Variants in COL22A1 observed in about 807,000 individuals in gnomAD.
The protein encoded by COL22A1 is collagen type XXII alpha 1 chain, also known as collagen alpha-1(XXII) chain.
Under a neutral mutation model 248.9 loss-of-function variants are expected in COL22A1, and 221 were observed. The observed-to-expected ratio is 0.89, with a 90% confidence interval of 0.80 to 0.99. The LOEUF is 0.99. COL22A1 is among the 50% of genes least tolerant of loss of function. The pLI is 0.00. For missense variants in COL22A1, 2,240 were observed against 2,179.0 expected, an observed-to-expected ratio of 1.03 and a Z score of -0.56; for synonymous variants, 891 against 793.4, an observed-to-expected ratio of 1.12 and a Z score of -2.07.
rs188055575 is a variant in COL22A1, at chr8:138,611,567, G to A, written c.3978+2300C>T. Among the ~76,000 whole-genome samples the A allele has an allele frequency of 6.6e-5, 10 of 152,290 alleles. 1 individual carries two copies. Among genetic ancestry groups the A allele is most frequent in the African/African-American group, 2.4e-4 (10 of 41,546 alleles). On this transcript the variant is annotated intron_variant, in intron 56 of 64. Transcript: ENST00000303045. ...TTACACATTTTTTCCTAATCTCTCC[G>A]TATGAAGTTTTAATATCACAGCTAA...
intron 1 of COL22A1, among the ~76,000 whole-genome samples, chr8:138,885,724 C>T (rs528448807): frequency 4.6e-5 from 7 of 152,176 alleles, no homozygotes; most frequent in Non-Finnish European, 7.4e-5. Context: ...CCACCACACC[C>T]GGCTAGTTTT....
chr8:138,875,068 G>A (rs368987359), intron 3 of COL22A1, among the ~76,000 whole-genome samples: 4 of 152,218 alleles, frequency 2.6e-5, no homozygotes, highest in African/African-American at 9.6e-5. Flanking sequence ...TGACACATAA[G>A]GCAAGCCAAG....
chr8:138,664,200 C>CGCGCGT (rs1554738472), intron 41 of COL22A1, among the ~76,000 whole-genome samples: 1 of 86,024 alleles, frequency 1.2e-5, no homozygotes, highest in South Asian at 4.7e-4. Context: ...GGGGTGCGCG[C>CGCGCGT]GCGCGCGCGC....
chr8:138,669,795 T>C (rs964407290), intron 41 of COL22A1, among the ~76,000 whole-genome samples: 3 of 152,146 alleles, frequency 2.0e-5, no homozygotes, highest in African/African-American at 7.2e-5. Context: ...AATGGTTTCA[T>C]TTAGAAAGGA....
At chr8:138,803,344 G>A (rs924833448) in intron 10 of COL22A1, among the ~76,000 whole-genome samples, 2 of 152,030 alleles carry the variant, frequency 1.3e-5, no homozygotes, top group African/African-American at 4.8e-5. Flanking sequence ...TCATCACGCA[G>A]GCACATAAGA....
At chr8:138,606,304 T>C in intron 58 of COL22A1, 77 bp downstream of exon 58, 1 of 1,271,066 alleles carries the variant, frequency 7.9e-7, no homozygotes, top group Non-Finnish European at 1.1e-6. Flanking sequence ...ACACAGGAGG[T>C]GGCAGGGAAG....
At chr8:138,755,925 C>T in intron 18 of COL22A1, 96 bp from the exon 19 acceptor site, 3 of 976,914 alleles carry the variant, frequency 3.1e-6, no homozygotes, top group Non-Finnish European at 3.3e-6. Context: ...GCCCAGGGGA[C>T]CACACCCCTC....
intron 30 of COL22A1, among the ~76,000 whole-genome samples, chr8:138,711,034 TG>T (rs911100288): frequency 7.9e-5 from 12 of 152,166 alleles, no homozygotes; most frequent in Admixed American, 7.2e-4. Context: ...CTCCTCATCC[TG>T]AGGGCTGTGG....
intron 14 of COL22A1, among the ~76,000 whole-genome samples, chr8:138,778,952 A>C (rs1814717905): frequency 1.3e-5 from 2 of 152,232 alleles, no homozygotes. Flanking sequence ...TTATCTATTA[A>C]AGTCTGCTAA....
In COL22A1 at chr8:138,661,788, A is replaced by T. The variant is rs188747014; in HGVS notation, c.3240+242T>A. On this transcript the variant is annotated intron_variant, in intron 43 of 64. Transcript: ENST00000303045. ...GGGAACATTGTGTGGGATACCCAGG[A>T]GTTGAACAGATCTTGAAAACTTAAC... Among the ~76,000 whole-genome samples the T allele has an allele frequency of 7.7e-4, 118 of 152,360 alleles. 1 individual carries two copies. The highest frequency in any genetic ancestry group is 1.5e-3 in the Non-Finnish European group (102 of 68,036).
At chr8:138,675,438 C>T (rs1825431880) in intron 41 of COL22A1, among the ~76,000 whole-genome samples, 1 of 152,182 alleles carries the variant, frequency 6.6e-6, no homozygotes, top group African/African-American at 2.4e-5. Flanking sequence ...CAGACAGCAA[C>T]TAGACCATGT....
chr8:138,787,371 C>A (rs923411326), intron 12 of COL22A1, among the ~76,000 whole-genome samples: 4 of 152,168 alleles, frequency 2.6e-5, no homozygotes, highest in African/African-American at 9.7e-5. Flanking sequence ...CTGCATGCAG[C>A]CTCTGTCTCA....
At chr8:138,853,571 T>G (rs554962241) in intron 3 of COL22A1, among the ~76,000 whole-genome samples, 1 of 152,206 alleles carries the variant, frequency 6.6e-6, no homozygotes, top group East Asian at 1.9e-4. Flanking sequence ...AAAGTTGGGG[T>G]GCCATGAGAG....
intron 3 of COL22A1, among the ~76,000 whole-genome samples, chr8:138,856,521 AAAGC>A (rs929951685): frequency 9.9e-5 from 15 of 152,046 alleles, no homozygotes; most frequent in Non-Finnish European, 1.8e-4. Context: ...AGAAGCAGAG[AAAGC>A]AAGAGAAAGA....
At chr8:138,822,354 T>G (rs1819215157) in intron 6 of COL22A1, among the ~76,000 whole-genome samples, 1 of 152,164 alleles carries the variant, frequency 6.6e-6, no homozygotes. Flanking sequence ...TCAGCCTGAT[T>G]GCTTTTTAAT....
chr8:138,791,908 G>GA (rs1816081946), intron 12 of COL22A1, among the ~76,000 whole-genome samples: 1 of 151,884 alleles, frequency 6.6e-6, no homozygotes. Context: ...TTTGCTTGCT[G>GA]ATTTTTTTTT....
intron 23 of COL22A1, among the ~76,000 whole-genome samples, chr8:138,730,452 A>G (rs1057175417): frequency 2.0e-4 from 30 of 151,958 alleles, no homozygotes; most frequent in African/African-American, 7.2e-4. Context: ...TCAGCCCTCC[A>G]CTCCAGAAAA....
chr8:138,641,503 T>C (rs1288073044), intron 47 of COL22A1, among the ~76,000 whole-genome samples: 1 of 152,368 alleles, frequency 6.6e-6, no homozygotes, highest in Non-Finnish European at 1.5e-5. Flanking sequence ...ACCATCTTGT[T>C]GCTTCTTCCT....
Position 138,598,713 on chromosome 8 carries a change from C to A in COL22A1, c.4365+6G>T. Reference sequence around the variant, plus strand: ...CCCGAGTCCAAAGCCATATTAGCATCCTTACCCTCAGTCCTGGAAATCCCG... The same window carrying A: ...CCCGAGTCCAAAGCCATATTAGCATACTTACCCTCAGTCCTGGAAATCCCG... On this transcript the variant is annotated splice_donor_region_variant and intron_variant, in intron 61 of 64. Transcript: ENST00000303045. 1.2e-6 allele frequency: 2 copies of A among 1,612,232 alleles called. No individual in the cohort carries two copies. The highest frequency in any genetic ancestry group is 1.7e-6 in the Non-Finnish European group (2 of 1,179,534).
Sources: gnomAD v4.1 joint callset for allele counts (sites outside exome capture counted in the v4.1 genomes callset) on GRCh38, gnomAD v4.1.1 for gene constraint, MANE v1.5 for transcripts, NCBI Gene and HGNC (gene_info 2026-07-23, HGNC 2026-07-21) for gene names.